CDH4: variants seen among roughly 807,000 people sequenced by gnomAD.
CDH4 encodes the protein cadherin 4.
In CDH4, 33 loss-of-function variants were observed where a neutral mutation model predicts 86.0. The ratio of observed to expected loss-of-function variants is 0.38; its 90% CI spans 0.29 to 0.51. The LOEUF is 0.51. CDH4 is among the 20% of genes least tolerant of loss of function. The pLI, the probability that CDH4 is intolerant of heterozygous loss-of-function variation, is 0.86. For synonymous variants in CDH4, 555 were observed against 549.4 expected, an observed-to-expected ratio of 1.01 and a Z score of -0.14; for missense variants, 1,114 against 1,307.4, an observed-to-expected ratio of 0.85 and a Z score of 2.28.
intron 2 of CDH4, among the ~76,000 whole-genome samples, chr20:61,711,703 A>G (rs1329163693): frequency 1.3e-5 from 2 of 152,208 alleles, no homozygotes; most frequent in East Asian, 3.9e-4. Flanking sequence ...TAGGATTTGG[A>G]CATCTGGGGA....
At chr20:61,836,519 C>T (rs543182141) in intron 4 of CDH4, among the ~76,000 whole-genome samples, 2 of 152,370 alleles carry the variant, frequency 1.3e-5, no homozygotes, top group African/African-American at 4.8e-5. Context: ...TCTCACTTCA[C>T]ATCCCGGGCT....
At chr20:61,473,789 A>G (rs2085519548) in intron 2 of CDH4, among the ~76,000 whole-genome samples, 1 of 152,062 alleles carries the variant, frequency 6.6e-6, no homozygotes, top group Admixed American at 6.6e-5. Context: ...ACACACACTC[A>G]GACACTCACA....
intron 2 of CDH4, among the ~76,000 whole-genome samples, chr20:61,728,713 G>A (rs191022320): frequency 7.2e-5 from 11 of 152,328 alleles, no homozygotes; most frequent in Admixed American, 3.3e-4. Context: ...TTGAATGAAC[G>A]GATGAATGTA....
rs193098614 is a variant in CDH4 at position 61,799,817 on chromosome 20, C to T, written c.576+26635C>T. Among the ~76,000 whole-genome samples, 272 of 152,318 alleles carry T rather than the reference C, an allele frequency of 1.8e-3. 1 individual carries two copies. Among genetic ancestry groups the T allele is most frequent in the African/African-American group, 6.2e-3 (259 of 41,552 alleles). On this transcript the variant is annotated intron_variant, in intron 4 of 15. Transcript: ENST00000614565. Reference sequence around the variant, plus strand: ...CCTTCCCGTGCTGCCTTCACTGATGCTCAGCCCAAAAGGCCAGTCACATGG... The same window carrying T: ...CCTTCCCGTGCTGCCTTCACTGATGTTCAGCCCAAAAGGCCAGTCACATGG...
intron 2 of CDH4, among the ~76,000 whole-genome samples, chr20:61,259,889 A>G (rs2084119573): frequency 6.6e-6 from 1 of 152,128 alleles, no homozygotes; most frequent in Non-Finnish European, 1.5e-5. Flanking sequence ...CATGCCTTCC[A>G]CCCTTTGCTC....
chr20:61,502,842 G>A (rs976039649), intron 2 of CDH4, among the ~76,000 whole-genome samples: 5 of 152,162 alleles, frequency 3.3e-5, no homozygotes, highest in Non-Finnish European at 5.9e-5. Context: ...ATCAAATAAT[G>A]TATTAAACCA....
chr20:61,258,516 A>G (rs1371474312), intron 2 of CDH4, among the ~76,000 whole-genome samples: 1 of 152,048 alleles, frequency 6.6e-6, no homozygotes. Flanking sequence ...CATCTCTCTT[A>G]CTTAAACTCT....
At chr20:61,920,069 G>A (rs2054955087) in intron 9 of CDH4, among the ~76,000 whole-genome samples, 2 of 152,224 alleles carry the variant, frequency 1.3e-5, no homozygotes, top group African/African-American at 4.8e-5. Context: ...TTGTGTGGAA[G>A]CGTGGTGTCA....
chr20:61,466,651 C>T (rs1316075358), intron 2 of CDH4, among the ~76,000 whole-genome samples: 1 of 152,020 alleles, frequency 6.6e-6, no homozygotes, highest in Non-Finnish European at 1.5e-5. Flanking sequence ...CAAGATCAGC[C>T]TGGGCAACAT....
At chr20:61,585,497 A>C (rs1280617906) in intron 2 of CDH4, among the ~76,000 whole-genome samples, 2 of 152,246 alleles carry the variant, frequency 1.3e-5, no homozygotes, top group African/African-American at 2.4e-5. Context: ...CTTAATTTTC[A>C]GTCTCCATAT....
At chr20:61,903,790 C>G (rs1337694976) in intron 8 of CDH4, among the ~76,000 whole-genome samples, 1 of 152,100 alleles carries the variant, frequency 6.6e-6, no homozygotes, top group Non-Finnish European at 1.5e-5. Flanking sequence ...CCTCCTGGAG[C>G]CTCAGTTTCG....
At chr20:61,910,709 C>A in intron 9 of CDH4, 102 bp downstream of exon 9, 3 of 1,093,760 alleles carry the variant, frequency 2.7e-6, no homozygotes, top group Admixed American at 2.1e-5. Context: ...AAAGTTACTG[C>A]CCCCCTAATA....
Position 61,697,136 on chromosome 20 carries a change from C to A in CDH4, c.170-46427C>A, listed in dbSNP as rs540718070. Among the ~76,000 whole-genome samples the A allele has an allele frequency of 3.3e-5, 5 of 152,182 alleles. No homozygotes were observed. In the South Asian group the frequency reaches 1.0e-3, roughly 32 times the overall value. On this transcript the variant is annotated intron_variant, in intron 2 of 15. Transcript: ENST00000614565. ...GCCCCGGGAAGCTAACATAGGAGGC[C>A]CCAATTGCAAACATTCGGATGTGCG...
chr20:61,737,698 C>T (rs939346373), intron 2 of CDH4, among the ~76,000 whole-genome samples: 6 of 152,222 alleles, frequency 3.9e-5, no homozygotes, highest in African/African-American at 1.2e-4. Flanking sequence ...TGCCACAGGG[C>T]ATACTGGCCA....
At chr20:61,426,390 G>C (rs532155961) in intron 2 of CDH4, among the ~76,000 whole-genome samples, 1 of 152,218 alleles carries the variant, frequency 6.6e-6, no homozygotes, top group South Asian at 2.1e-4. Flanking sequence ...CACTGCATTC[G>C]GGTGGCTCCA....
rs1156485732 is a variant in CDH4 at position 61,937,846 on chromosome 20, G to T, written c.*903G>T. The T allele has an allele frequency of 6.6e-6, 1 of 152,258 alleles. No individual in the cohort carries two copies. The highest frequency in any genetic ancestry group is 2.4e-5 in the African/African-American group (1 of 41,378). 9.4% of individuals were successfully genotyped at this position (152,258 alleles called of 1,614,324 possible). A position where few individuals can be genotyped will look rare whatever the true frequency, so the allele number is the denominator to read the frequency against. ...CTGGCTCCAGCCCTCCAACCCTGGC[G>T]ACCAGACCCCATGGGGTGCCATCAA... is the stretch of plus-strand genomic sequence containing the variant. On this transcript the variant is annotated 3_prime_UTR_variant, in exon 16 of 16. Transcript: ENST00000614565.
chr20:61,730,581 T>A (rs1380770346), intron 2 of CDH4, among the ~76,000 whole-genome samples: 1 of 152,156 alleles, frequency 6.6e-6, no homozygotes, highest in African/African-American at 2.4e-5. Context: ...AGTCACCTGG[T>A]TGGAAGGTGC....
At chr20:61,797,786 C>G (rs533868801) in intron 4 of CDH4, among the ~76,000 whole-genome samples, 5 of 152,252 alleles carry the variant, frequency 3.3e-5, no homozygotes, top group African/African-American at 1.2e-4. Context: ...GACCCCGTCT[C>G]TACAAAAAAC....
chr20:61,557,263 A>G (rs1179279822), intron 2 of CDH4, among the ~76,000 whole-genome samples: 1 of 152,222 alleles, frequency 6.6e-6, no homozygotes, highest in Non-Finnish European at 1.5e-5. Flanking sequence ...ACACACTGCC[A>G]TTGTAGCACA....
Sources: allele counts gnomAD v4.1 joint callset (sites outside exome capture counted in the v4.1 genomes callset), GRCh38; gene constraint gnomAD v4.1.1; transcripts MANE v1.5; gene names NCBI Gene and HGNC (gene_info 2026-07-23, HGNC 2026-07-21).